Variants in NFIA observed in about 807,000 individuals in gnomAD.
NFIA encodes the protein nuclear factor 1 A-type.
NFIA carries 8 observed loss-of-function variants against 62.8 expected under a neutral mutation model. The ratio of observed to expected loss-of-function variants is 0.13; its 90% CI spans 0.07 to 0.23. The LOEUF is 0.23. NFIA is among the 10% of genes least tolerant of loss of function. The probability of loss-of-function intolerance (pLI) is 1.00; values close to 1 mark genes in which losing one functional copy is unlikely to be tolerated. For missense variants in NFIA, 410 were observed against 642.1 expected (o/e 0.64, Z 3.91); for synonymous variants, 235 against 238.1 (o/e 0.99, Z 0.12).
At chr1:61,319,836 C>CACACACACACACACACACACACACACACA (rs1660580765) in intron 3 of NFIA, among the ~76,000 whole-genome samples, 1 of 139,098 alleles carries the variant, frequency 7.2e-6, no homozygotes, top group African/African-American at 2.6e-5. Flanking sequence ...CACACACACA[C>CACACACACACACACACACACACACACACA]CAACTTTCAT....
At chr1:61,227,169 T>C (rs1570414768) in intron 2 of NFIA, among the ~76,000 whole-genome samples, 1 of 152,234 alleles carries the variant, frequency 6.6e-6, no homozygotes, top group South Asian at 2.1e-4. Flanking sequence ...AGCATTTTTT[T>C]CCCAAGCCTG....
Position 61,088,765 on chromosome 1 carries a change from A to G in NFIA, c.559+85A>G. 2 of 1,473,490 alleles carry G rather than the reference A, an allele frequency of 1.4e-6. No homozygotes were observed. Among genetic ancestry groups the G allele is most frequent in the Non-Finnish European group, 1.8e-6 (2 of 1,103,648 alleles). 91.3% of individuals were successfully genotyped at this position (1,473,490 alleles called of 1,614,324 possible). ...TCCGCGTTATGCCGGATTCTTCCTG[A>G]GCTCCCCAAGTTGCAGGCCACGTAC... On this transcript the variant is annotated intron_variant, in intron 2 of 10. Coordinates refer to ENST00000403491, the MANE Select transcript of NFIA (RefSeq NM_001134673.4). This position sits in a 1 kb window ranked among gnomAD's most constrained non-coding sequence, Gnocchi z 4.5.
intron 2 of NFIA, among the ~76,000 whole-genome samples, chr1:61,210,557 A>C (rs1653185355): frequency 6.6e-6 from 1 of 152,204 alleles, no homozygotes; most frequent in African/African-American, 2.4e-5. Flanking sequence ...CTGTTGAGTT[A>C]GATCTTTCCT....
At chr1:61,113,330 C>G (rs1009632398) in intron 2 of NFIA, among the ~76,000 whole-genome samples, 4 of 151,910 alleles carry the variant, frequency 2.6e-5, no homozygotes, top group African/African-American at 7.3e-5. Context: ...CAGGGGATCA[C>G]ACCTGGAATC....
chr1:61,245,134 A>G (rs1167030980), intron 2 of NFIA, among the ~76,000 whole-genome samples: 1 of 152,154 alleles, frequency 6.6e-6, no homozygotes, highest in Non-Finnish European at 1.5e-5. Flanking sequence ...TATGAGGAGG[A>G]CATACTTGGG....
At position 61,284,206 on chromosome 1, in the gene NFIA, C is replaced by T. The variant is rs910736917; in HGVS notation, c.625+6621C>T. ...TCCCAACTCAGGGAGACATTAAAAC[C>T]TAAATGCCTTCTGGTTTCCAGATCT... On this transcript the variant is annotated intron_variant, in intron 3 of 10. Transcript: ENST00000403491. 3.0e-4 allele frequency among the ~76,000 whole-genome samples: 45 copies of T among 152,082 alleles called. 1 individual carries two copies. The highest frequency in any genetic ancestry group is 1.1e-3 in the African/African-American group (44 of 41,398).
chr1:61,161,644 G>A (rs1202750216), intron 2 of NFIA, among the ~76,000 whole-genome samples: 16 of 151,412 alleles, frequency 1.1e-4, no homozygotes, highest in Admixed American at 9.9e-4. Context: ...GACTTTCAAC[G>A]GTTTGACTTT....
chr1:61,227,894 G>T (rs1654429404), intron 2 of NFIA, among the ~76,000 whole-genome samples: 1 of 152,154 alleles, frequency 6.6e-6, no homozygotes, highest in Non-Finnish European at 1.5e-5. Flanking sequence ...TTTAAGCCTA[G>T]AAGTTTCATT....
intron 2 of NFIA, among the ~76,000 whole-genome samples, chr1:61,134,845 AT>A (rs1262556430): frequency 6.6e-6 from 1 of 152,158 alleles, no homozygotes; most frequent in South Asian, 2.1e-4. Flanking sequence ...ATAAAAACAA[AT>A]TTTTTTAAAC....
At chr1:61,110,257 T>C (rs1175498166) in intron 2 of NFIA, among the ~76,000 whole-genome samples, 1 of 142,900 alleles carries the variant, frequency 7.0e-6, no homozygotes, top group African/African-American at 2.5e-5. Context: ...CTTGTTCACT[T>C]TTTTTTTTTT....
At chr1:61,258,976 C>T (rs544231728) in intron 2 of NFIA, among the ~76,000 whole-genome samples, 1 of 152,278 alleles carries the variant, frequency 6.6e-6, no homozygotes, top group East Asian at 1.9e-4. Flanking sequence ...CTGCCTTGGC[C>T]TCCCAAAGTG....
intron 2 of NFIA, among the ~76,000 whole-genome samples, chr1:61,146,976 T>C (rs1648056669): frequency 6.6e-6 from 1 of 152,158 alleles, no homozygotes; most frequent in African/African-American, 2.4e-5. Context: ...ATTACATTGT[T>C]AGGACACCTG....
At chr1:61,402,317 C>T (rs1473407808) in intron 7 of NFIA, among the ~76,000 whole-genome samples, 3 of 152,130 alleles carry the variant, frequency 2.0e-5, no homozygotes, top group African/African-American at 7.2e-5. Flanking sequence ...GGATTACAGG[C>T]ATGAGCCACC....
chr1:61,262,912 C>T (rs751675862), intron 2 of NFIA, among the ~76,000 whole-genome samples: 9 of 152,174 alleles, frequency 5.9e-5, no homozygotes, highest in Non-Finnish European at 1.2e-4. Flanking sequence ...CATCCATCCC[C>T]AACACTAACC....
chr1:61,120,416 G>A (rs1358371284), intron 2 of NFIA, among the ~76,000 whole-genome samples: 1 of 152,160 alleles, frequency 6.6e-6, no homozygotes, highest in African/African-American at 2.4e-5. Flanking sequence ...GGATTGTTTG[G>A]AAATATTGTT....
At chr1:61,302,299 T>G (rs951096941) in intron 3 of NFIA, among the ~76,000 whole-genome samples, 4 of 152,218 alleles carry the variant, frequency 2.6e-5, no homozygotes, top group Non-Finnish European at 4.4e-5. Flanking sequence ...TATTATACTG[T>G]TAAACATAAC....
chr1:61,096,067 A>C (rs1284774800), intron 2 of NFIA, among the ~76,000 whole-genome samples: 1 of 152,152 alleles, frequency 6.6e-6, no homozygotes, highest in African/African-American at 2.4e-5. Context: ...CTGTGTGTGT[A>C]ATTATTTAAA....
chr1:61,428,255 C>G (rs1170327326), intron 10 of NFIA, among the ~76,000 whole-genome samples: 4 of 152,164 alleles, frequency 2.6e-5, no homozygotes, highest in Middle Eastern at 3.2e-3. Context: ...TTCACAAATG[C>G]CTTACTTAAC....
intron 2 of NFIA, among the ~76,000 whole-genome samples, chr1:61,104,548 C>T (rs1238391568): frequency 6.6e-6 from 1 of 151,980 alleles, no homozygotes; most frequent in African/African-American, 2.4e-5. Context: ...ATAAGCCTCT[C>T]TAAGGGAAAC....
Sources: gnomAD v4.1 joint callset for allele counts (sites outside exome capture counted in the v4.1 genomes callset) on GRCh38, gnomAD v4.1.1 for gene constraint, Gnocchi (gnomAD v3.1) non-coding constraint, MANE v1.5 for transcripts, NCBI Gene and HGNC (gene_info 2026-07-23, HGNC 2026-07-21) for gene names.